The following GARS1 variants were observed in gnomAD, a reference collection of about 807,000 sequenced individuals.
The protein encoded by GARS1 is glycyl-tRNA synthetase 1, also known as glycine--tRNA ligase.
A neutral mutation model predicts 86.4 loss-of-function variants in GARS1; 46 were observed. That is an observed-to-expected ratio of 0.53 (90% CI 0.42 to 0.68). GARS1 has a LOEUF of 0.68. Ranked by LOEUF, GARS1 falls within the 30% of genes least tolerant of loss-of-function variation. The pLI, the probability that GARS1 is intolerant of heterozygous loss-of-function variation, is 0.00. For synonymous variants in GARS1, 342 were observed against 329.8 expected, an observed-to-expected ratio of 1.04 and a Z score of -0.40; for missense variants, 797 against 915.6, an observed-to-expected ratio of 0.87 and a Z score of 1.67.
intron 1 of GARS1, 66 bp from the exon 2 acceptor site, chr7:30,598,730 A>G: frequency 2.2e-6 from 3 of 1,388,442 alleles, no homozygotes; most frequent in Non-Finnish European, 3.1e-6. Context: ...CACGCTTAAA[A>G]ACACATTCCT....
At chr7:30,594,842 C>T (rs886062270), upstream of GARS1, 169 of 1,250,892 alleles carry the variant, frequency 1.4e-4, no homozygotes, top group Non-Finnish European at 1.5e-4. Context: ...GTTTACGCGG[C>T]GATTTCATCA....
chr7:30,606,219 C>G (rs1051343536), intron 6 of GARS1, among the ~76,000 whole-genome samples: 2 of 151,200 alleles, frequency 1.3e-5, no homozygotes, highest in African/African-American at 4.9e-5. Context: ...GTTAGCTCTT[C>G]TGTGGGCTGT....
At chr7:30,633,031 C>A (rs969362241) in intron 16 of GARS1, among the ~76,000 whole-genome samples, 1 of 152,168 alleles carries the variant, frequency 6.6e-6, no homozygotes, top group Non-Finnish European at 1.5e-5. Context: ...TAGCTTGATA[C>A]AGAAGTAATA....
chr7:30,603,744 CTT>C (rs1442972372), intron 6 of GARS1, among the ~76,000 whole-genome samples, 172 bp downstream of exon 6: 1 of 152,144 alleles, frequency 6.6e-6, no homozygotes, highest in Non-Finnish European at 1.5e-5. Flanking sequence ...TTTCTTCTCT[CTT>C]TTGTGACTAA....
In GARS1 at chr7:30,633,998, ACCCC is replaced by A. The variant is rs1261916508; in HGVS notation, c.*140_*143del. On this transcript the variant is annotated 3_prime_UTR_variant, in exon 17 of 17. Transcript: ENST00000389266. The stretch of plus-strand genomic sequence containing the variant: ...TTATCTTCAGTGGCTGCCTGATTTT[ACCCC>A]CACAATTAAAGTTGAAGGAATCCTG... 1,663 of 1,034,100 alleles carry A rather than the reference ACCCC, an allele frequency of 1.6e-3. 10 individuals are homozygous for A. The highest frequency in any genetic ancestry group is 2.3e-3 in the Admixed American group (91 of 39,488). The allele number at this position is 1,034,100 out of a possible 1,614,324, so 64.1% of individuals were successfully genotyped here.
chr7:30,627,485 T>C (rs1272076535), intron 13 of GARS1, among the ~76,000 whole-genome samples: 1 of 152,244 alleles, frequency 6.6e-6, no homozygotes, highest in East Asian at 1.9e-4. Flanking sequence ...AATGATCTCA[T>C]TTCCCAAAAA....
Position 30,622,482 on chromosome 7 carries a change from C to T in GARS1, c.1613+20C>T. 6.2e-7 allele frequency: 1 copy of T among 1,613,764 alleles called. No individual in the cohort carries two copies. The highest frequency in any genetic ancestry group is 8.5e-7 in the Non-Finnish European group (1 of 1,179,726). On this transcript the variant is annotated intron_variant, in intron 12 of 16. Coordinates refer to ENST00000389266, the MANE Select transcript of GARS1 (RefSeq NM_002047.4). ...GAAAGGGTAAGATATCAGATGTTTA[C>T]TCTTCCATGGGCTCCAGTCAGTTGT... is the stretch of plus-strand genomic sequence containing the variant.
At chr7:30,628,221 G>A (rs1165834374) in intron 13 of GARS1, among the ~76,000 whole-genome samples, 2 of 145,094 alleles carry the variant, frequency 1.4e-5, no homozygotes, top group African/African-American at 5.1e-5. Flanking sequence ...TCTCGCCCTT[G>A]CCTTCCAGGC....
chr7:30,628,067 A>G (rs997449166), intron 13 of GARS1, among the ~76,000 whole-genome samples: 9 of 152,226 alleles, frequency 5.9e-5, no homozygotes, highest in African/African-American at 1.9e-4. Flanking sequence ...CTTCAAAGGC[A>G]TGTTTCCTAT....
Position 30,628,594 on chromosome 7 carries a change from C to G in GARS1, c.1734C>G (p.Ser578=). The G allele has an allele frequency of 6.2e-7, 1 of 1,612,896 alleles. No homozygotes were observed. The highest frequency in any genetic ancestry group is 1.1e-5 in the South Asian group (1 of 91,064). The change falls in exon 14 of 17, where the codon TCC becomes TCG. Residue 578 remains serine (S), a synonymous_variant. Transcript: ENST00000389266. ...EEVVPNVIEP[S]FGLGRIMYTV... is the part of the protein sequence containing the mutation. Reference sequence around the variant, plus strand: ...TTGTTCCGAATGTAATTGAACCTTCCTTCGGCCTGGGTAGGATCATGTATA... The same window carrying G: ...TTGTTCCGAATGTAATTGAACCTTCGTTCGGCCTGGGTAGGATCATGTATA...
chr7:30,627,111 GAA>G, intron 13 of GARS1: 2 of 458,358 alleles, frequency 4.4e-6, no homozygotes, highest in Non-Finnish European at 9.0e-6. Flanking sequence ...GAAGGATGCT[GAA>G]GTTTATTTGT....
At chr7:30,626,856 G>A (rs999156153) in intron 13 of GARS1, among the ~76,000 whole-genome samples, 6 of 152,086 alleles carry the variant, frequency 3.9e-5, no homozygotes, top group African/African-American at 1.2e-4. Flanking sequence ...AGACACGCAC[G>A]TGTAATCCCA....
chr7:30,621,560 T>A, intron 11 of GARS1, 60 bp downstream of exon 11: 1 of 1,177,244 alleles, frequency 8.5e-7, no homozygotes, highest in Non-Finnish European at 1.3e-6. Flanking sequence ...TGCTAATGAA[T>A]AAGTCCAAGT....
chr7:30,606,537 T>C (rs967670448), intron 6 of GARS1, among the ~76,000 whole-genome samples: 14 of 152,318 alleles, frequency 9.2e-5, no homozygotes, highest in African/African-American at 3.1e-4. Flanking sequence ...TTGTGAACTT[T>C]AGATTCAAAT....
rs752426125 is a variant in GARS1 at position 30,601,059 on chromosome 7, G to T, written c.428G>T (p.Gly143Val). 1 of 1,613,794 alleles carries T rather than the reference G, an allele frequency of 6.2e-7. No homozygotes were observed. The highest frequency in any genetic ancestry group is 1.7e-5 in the Admixed American group (1 of 60,008). Residue 143 changes from glycine (G) to valine (V), a missense_variant and splice_region_variant, in exon 4 of 17, where the codon GGT becomes GTT. Coordinates refer to ENST00000389266, the MANE Select transcript of GARS1 (RefSeq NM_002047.4). ...FYDQAFAIYG[G>V]VSGLYDFGPV... ...TGTGTTTTCCTCTCATATTCTATAG[G>T]TGTTAGTGGTCTGTATGACTTTGGG...
At chr7:30,606,398 G>A (rs1230045878) in intron 6 of GARS1, among the ~76,000 whole-genome samples, 1 of 151,350 alleles carries the variant, frequency 6.6e-6, no homozygotes, top group African/African-American at 2.4e-5. Flanking sequence ...GTAAAGAAAG[G>A]TGAGAATAAG....
At position 30,612,092 on chromosome 7, in the gene GARS1, A is replaced by G. The variant is rs778219649; in HGVS notation, c.882-4A>G. 5.0e-5 allele frequency: 81 copies of G among 1,612,102 alleles called. No individual in the cohort carries two copies. The highest frequency in any genetic ancestry group is 6.5e-5 in the Non-Finnish European group (76 of 1,178,240). ...GTAACAGACTGACTTACTTAAATTT[A>G]TAGGTACTTGAGACCAGAAACTGCA... On this transcript the variant is annotated splice_polypyrimidine_tract_variant and splice_region_variant and intron_variant, in intron 7 of 16. Coordinates refer to ENST00000389266, the MANE Select transcript of GARS1 (RefSeq NM_002047.4).
rs1562784745 is a variant in GARS1 at position 30,633,648 on chromosome 7, G to A, written c.2095-87G>A. 4.0e-6 allele frequency: 6 copies of A among 1,510,028 alleles called. No homozygotes were observed. The South Asian group carries it at 5.6e-5, about 14-fold the overall frequency. 93.5% of individuals were successfully genotyped at this position (1,510,028 alleles called of 1,614,324 possible). A position where few individuals can be genotyped will look rare whatever the true frequency, so the allele number is the denominator to read the frequency against. On this transcript the variant is annotated intron_variant, in intron 16 of 16. Coordinates refer to ENST00000389266, the MANE Select transcript of GARS1 (RefSeq NM_002047.4). Reference sequence around the variant, plus strand: ...CTGGCATGACATTGTTTGGCTCTGTGTAAGGTTTCCTGAGTTCAGGATGAA... The same window carrying A: ...CTGGCATGACATTGTTTGGCTCTGTATAAGGTTTCCTGAGTTCAGGATGAA...
chr7:30,633,207 C>G (rs931082696), intron 16 of GARS1, among the ~76,000 whole-genome samples: 2 of 152,204 alleles, frequency 1.3e-5, no homozygotes, highest in Non-Finnish European at 2.9e-5. Context: ...CCAGCAGCAT[C>G]AGTATCCCCT....
Sources: gnomAD v4.1 joint callset for allele counts (sites outside exome capture counted in the v4.1 genomes callset) on GRCh38, gnomAD v4.1.1 for gene constraint, MANE v1.5 for transcripts, NCBI Gene and HGNC (gene_info 2026-07-23, HGNC 2026-07-21) for gene names.